EGR2: variants seen among roughly 807,000 people sequenced by gnomAD.
EGR2 encodes E3 SUMO-protein ligase EGR2.
A neutral mutation model predicts 21.2 loss-of-function variants in EGR2; 2 were observed. That is an observed-to-expected ratio of 0.09 (90% CI 0.04 to 0.30). The LOEUF (loss-of-function observed/expected upper bound fraction) is 0.30, where lower values mean the gene tolerates loss of function less well. Among genes scored for constraint, EGR2 ranks in the 10% least tolerant of loss-of-function variants. The probability of loss-of-function intolerance (pLI) is 1.00; values close to 1 mark genes in which losing one functional copy is unlikely to be tolerated. For missense variants in EGR2, 458 were observed against 630.2 expected (o/e 0.73, Z 2.93); for synonymous variants, 282 against 258.2 (o/e 1.09, Z -0.88).
rs1554853482 is a variant in EGR2, at chr10:62,816,021, G to A, written c.9C>T (p.Thr3=). The change falls in exon 1 of 2, where the codon ACC becomes ACT. Residue 3 remains threonine, a synonymous_variant. Transcript: ENST00000242480. ...CTGGGATTTTGTCTACGGCCTTGGC[G>A]GTCATCATTTGCTCCTCGCACAACC... The part of the protein sequence containing the change: MM[T]AKAVDKIPVT... 7.4e-6 allele frequency: 12 copies of A among 1,614,008 alleles called. No individual in the cohort carries two copies. The highest frequency in any genetic ancestry group is 1.0e-5 in the Non-Finnish European group (12 of 1,180,034).
chr10:62,813,544 G>C lies in EGR2; in HGVS notation c.1094C>G (p.Thr365Ser). 6.2e-7 allele frequency: 1 copy of C among 1,613,484 alleles called. No homozygotes were observed. Among genetic ancestry groups the C allele is most frequent in the Non-Finnish European group, 8.5e-7 (1 of 1,180,042 alleles). The change falls in exon 2 of 2, where the codon ACT becomes AGT. Residue 365 changes from threonine (T) to serine (S), a missense_variant. By Grantham distance (58) the Thr-to-Ser change is moderately conservative. This residue lies in a region of EGR2 where 39 missense variants were observed against 113.7 expected (regional missense o/e 0.34). Coordinates refer to ENST00000242480, the MANE Select transcript of EGR2 (RefSeq NM_000399.5). The surrounding 1 kb of genome is among the most constrained non-coding windows in gnomAD (Gnocchi z 5.7). Reference sequence around the variant, plus strand: ...CCGACACTGGAAGGGCTTATGCCCAGTGTGGATTCGGATGTGCCGTGTCAG... The same window carrying C: ...CCGACACTGGAAGGGCTTATGCCCACTGTGGATTCGGATGTGCCGTGTCAG... ...DELTRHIRIH[T>S]GHKPFQCRIC...
upstream of EGR2, chr10:62,818,421 G>T (rs1838306091): frequency 3.1e-6 from 1 of 321,004 alleles, no homozygotes; most frequent in Non-Finnish European, 4.8e-6. Flanking sequence ...GACATGGAAA[G>T]AAATCGCAGC....
chr10:62,814,216 G>T lies in EGR2; in HGVS notation c.422C>A (p.Pro141His). The T allele has an allele frequency of 6.2e-7, 1 of 1,614,174 alleles. No individual in the cohort carries two copies. Among genetic ancestry groups the T allele is most frequent in the South Asian group, 1.1e-5 (1 of 91,088 alleles). ...TASSSVTSAS[P>H]NPLATGPLGV... The stretch of plus-strand genomic sequence containing the variant: ...CAGGGGTCCTGTGGCCAGTGGGTTG[G>T]GGGAGGCAGAGGTGACGCTGGATGA... Residue 141 changes from proline (P) to histidine (H), a missense_variant, in exon 2 of 2, where the codon CCC becomes CAC. Pro to His is a moderately conservative substitution (Grantham distance 77). Around this residue, in one of 5 missense-constraint regions of EGR2, gnomAD observed 253 missense variants for 315.5 expected, o/e 0.80. Transcript: ENST00000242480. The surrounding 1 kb of genome is among the most constrained non-coding windows in gnomAD (Gnocchi z 4.8).
At chr10:62,816,456 G>A (rs1156316219), upstream of EGR2, 3 of 964,734 alleles carry the variant, frequency 3.1e-6, no homozygotes, top group Non-Finnish European at 3.8e-6. Flanking sequence ...ACAGGGCTGG[G>A]CCAGGCGGCT....
At position 62,814,783 on chromosome 10, in the gene EGR2, C is replaced by T. The variant is rs1425816619; in HGVS notation, c.170-315G>A. Among the ~76,000 whole-genome samples the T allele has an allele frequency of 1.3e-5, 2 of 152,222 alleles. No individual in the cohort carries two copies. The highest frequency in any genetic ancestry group is 2.9e-5 in the Non-Finnish European group (2 of 68,040). ...AAAAAACACCCAATAATAGCAACAA[C>T]AATATTTTAAAAAGCCTCATCCGCC... On this transcript the variant is annotated intron_variant, in intron 1 of 1. Coordinates refer to ENST00000242480, the MANE Select transcript of EGR2 (RefSeq NM_000399.5). This position sits in a 1 kb window ranked among gnomAD's most constrained non-coding sequence, Gnocchi z 4.8.
Position 62,816,150 on chromosome 10 carries a change from A to AACAACCACCACAC in EGR2, c.-134_-122dup. 6.3e-7 allele frequency: 1 copy of AACAACCACCACAC among 1,597,724 alleles called. No individual in the cohort carries two copies. Among genetic ancestry groups the AACAACCACCACAC allele is most frequent in the Non-Finnish European group, 8.5e-7 (1 of 1,171,564 alleles). On this transcript the variant is annotated 5_prime_UTR_variant, in exon 1 of 2. Transcript: ENST00000242480. ...TCTCCTTTTGCCCTCCACACTTAAA[A>AACAACCACCACAC]ACAACCACCACACACACCAAGAAAA...
In EGR2 at chr10:62,816,099, G is replaced by A. The variant is rs1842261587; in HGVS notation, c.-70C>T. On this transcript the variant is annotated 5_prime_UTR_variant, in exon 1 of 2. Transcript: ENST00000242480. ...AGTGTCAGAAAAGCCGTTTTGGAGAGGGGTTGGACTGAGCCTGGGATGGTA... is the reference window on the plus strand; with the variant it reads ...AGTGTCAGAAAAGCCGTTTTGGAGAAGGGTTGGACTGAGCCTGGGATGGTA... 8.7e-6 allele frequency: 14 copies of A among 1,613,184 alleles called. No individual in the cohort carries two copies. The South Asian group carries it at 1.4e-4, about 16-fold the overall frequency.
At position 62,814,448 on chromosome 10, in the gene EGR2, T is replaced by G; in HGVS notation, c.190A>C (p.Met64Leu). 6.2e-7 allele frequency: 1 copy of G among 1,614,048 alleles called. No individual in the cohort carries two copies. The highest frequency in any genetic ancestry group is 8.5e-7 in the Non-Finnish European group (1 of 1,179,994). The change falls in exon 2 of 2, where the codon ATG (methionine) becomes CTG (leucine). Residue 64 changes from methionine (M) to leucine (L), a missense_variant. Physicochemically the swap from Met to Leu is conservative, Grantham distance 15 (BLOSUM62 2). Around this residue, in one of 5 missense-constraint regions of EGR2, gnomAD observed 91 missense variants for 105.2 expected, o/e 0.87. Coordinates refer to ENST00000242480, the MANE Select transcript of EGR2 (RefSeq NM_000399.5). This position sits in a 1 kb window ranked among gnomAD's most constrained non-coding sequence, Gnocchi z 4.8. ...VAGDGMINID[M>L]TGEKRSLDLP... ...TCCAACGACCTCTTCTCTCCAGTCA[T>G]GTCAATGTTGATCATGCCATCTGGG...
chr10:62,815,287 T>G lies in EGR2; in HGVS notation c.169+574A>C, dbSNP rs376355302. ...GCGCCCTCCTCCACCACCCACTCGC[T>G]GCCTCCGCCGGCCGGAGCCCCCGCC... On this transcript the variant is annotated intron_variant, in intron 1 of 1. Coordinates refer to ENST00000242480, the MANE Select transcript of EGR2 (RefSeq NM_000399.5). Among the ~76,000 whole-genome samples, 1,321 of 152,308 alleles carry G rather than the reference T, an allele frequency of 8.7e-3. 14 individuals are homozygous for G. Among genetic ancestry groups the G allele is most frequent in the African/African-American group, 0.03 (1,256 of 41,558 alleles).
In EGR2 at chr10:62,814,563, G is replaced by T; in HGVS notation, c.170-95C>A. 1 of 1,222,356 alleles carries T rather than the reference G, an allele frequency of 8.2e-7. No individual in the cohort carries two copies. Among genetic ancestry groups the T allele is most frequent in the Non-Finnish European group, 1.2e-6 (1 of 835,858 alleles). 75.7% of individuals were successfully genotyped at this position (1,222,356 alleles called of 1,614,324 possible). ...CTCACATAGGTCCATTTCCAAGGCC[G>T]AGAGTCTCAGCACTGTAGAGCTGTG... On this transcript the variant is annotated intron_variant, in intron 1 of 1. Coordinates refer to ENST00000242480, the MANE Select transcript of EGR2 (RefSeq NM_000399.5). The surrounding 1 kb of genome is among the most constrained non-coding windows in gnomAD (Gnocchi z 4.8).
Position 62,814,285 on chromosome 10 carries a change from G to C in EGR2, c.353C>G (p.Ala118Gly). Residue 118 changes from alanine to glycine, a missense_variant, in exon 2 of 2, where the codon GCA (alanine) becomes GGA (glycine). Physicochemically the swap from Ala to Gly is moderately conservative, Grantham distance 60 (BLOSUM62 0). This residue lies in a region of EGR2 where 253 missense variants were observed against 315.5 expected (regional missense o/e 0.80). Transcript: ENST00000242480. The surrounding 1 kb of genome is among the most constrained non-coding windows in gnomAD (Gnocchi z 4.8). Reference sequence around the variant, plus strand: ...GGAAGTGACCCCTTGCAAGATGCCTGCACTCACAATATTGATTATGCCTTC... The same window carrying C: ...GGAAGTGACCCCTTGCAAGATGCCTCCACTCACAATATTGATTATGCCTTC... The part of the protein sequence containing the change: ...YPEGIINIVS[A>G]GILQGVTSPA... The C allele has an allele frequency of 6.2e-7, 1 of 1,614,156 alleles. No homozygotes were observed. The highest frequency in any genetic ancestry group is 8.5e-7 in the Non-Finnish European group (1 of 1,180,030).
chr10:62,814,561 C>T lies in EGR2; in HGVS notation c.170-93G>A, dbSNP rs1483183908. 6.4e-6 allele frequency: 8 copies of T among 1,246,596 alleles called. No individual in the cohort carries two copies. Among genetic ancestry groups the T allele is most frequent in the Non-Finnish European group, 9.3e-6 (8 of 856,882 alleles). 77.2% of individuals were successfully genotyped at this position (1,246,596 alleles called of 1,614,324 possible). A position where few individuals can be genotyped will look rare whatever the true frequency, so the allele number is the denominator to read the frequency against. The stretch of plus-strand genomic sequence containing the variant: ...CGCTCACATAGGTCCATTTCCAAGG[C>T]CGAGAGTCTCAGCACTGTAGAGCTG... On this transcript the variant is annotated intron_variant, in intron 1 of 1. Coordinates refer to ENST00000242480, the MANE Select transcript of EGR2 (RefSeq NM_000399.5). The surrounding 1 kb of genome is among the most constrained non-coding windows in gnomAD (Gnocchi z 4.8).
In EGR2 at chr10:62,814,895, C is replaced by G. The variant is rs939651969; in HGVS notation, c.170-427G>C. ...CACCCAAGAATCGACCTATCCCAGT[C>G]AGTGCCGTGATGGTGCCAAACCGAG... is the stretch of plus-strand genomic sequence containing the variant. On this transcript the variant is annotated intron_variant, in intron 1 of 1. Coordinates refer to ENST00000242480, the MANE Select transcript of EGR2 (RefSeq NM_000399.5). The surrounding 1 kb of genome is among the most constrained non-coding windows in gnomAD (Gnocchi z 4.8). 2.0e-5 allele frequency among the ~76,000 whole-genome samples: 3 copies of G among 152,196 alleles called. No homozygotes were observed. The highest frequency in any genetic ancestry group is 2.0e-4 in the Admixed American group (3 of 15,282).
Position 62,813,987 on chromosome 10 carries a change from T to C in EGR2, c.651A>G (p.Pro217=). ...SYPSPKPATD[P]GLFPMIPDYP... ...AGTCTGGGATCATTGGGAAGAGACC[T>C]GGGTCCGTGGCTGGCTTGGGGGATG... is the stretch of plus-strand genomic sequence containing the variant. Residue 217 remains proline (P), a synonymous_variant, in exon 2 of 2, where the codon CCA becomes CCG. Transcript: ENST00000242480. The surrounding 1 kb of genome is among the most constrained non-coding windows in gnomAD (Gnocchi z 5.7). 6.2e-7 allele frequency: 1 copy of C among 1,614,126 alleles called. No individual in the cohort carries two copies. Among genetic ancestry groups the C allele is most frequent in the South Asian group, 1.1e-5 (1 of 91,072 alleles).
chr10:62,818,823 G>A (rs984504991), upstream of EGR2, among the ~76,000 whole-genome samples: 1 of 152,162 alleles, frequency 6.6e-6, no homozygotes, highest in African/African-American at 2.4e-5. Context: ...CGGCAGGCGG[G>A]CGAGTTGCCC....
At chr10:62,816,372 G>C (rs1842271249), upstream of EGR2, 2 of 1,218,218 alleles carry the variant, frequency 1.6e-6, no homozygotes. Flanking sequence ...CAGTTAGACG[G>C]AAAGTGTTGC....
rs1051823632 is a variant in EGR2, at chr10:62,816,282, A to G, written c.-253T>C. On this transcript the variant is annotated 5_prime_UTR_variant, in exon 1 of 2. Transcript: ENST00000242480. The stretch of plus-strand genomic sequence containing the variant: ...TCCTGTCTGTGTTCCGGCTGCTGGG[A>G]AGCCAGGAGTTGCTGGTGTAGTGTT... 1.5e-5 allele frequency: 20 copies of G among 1,359,046 alleles called. No homozygotes were observed. In the Admixed American group the frequency reaches 5.7e-4, roughly 38 times the overall value. 84.2% of individuals were successfully genotyped at this position (1,359,046 alleles called of 1,614,324 possible). A position where few individuals can be genotyped will look rare whatever the true frequency, so the allele number is the denominator to read the frequency against.
Position 62,815,852 on chromosome 10 carries a change from G to T in EGR2, c.169+9C>A. 1 of 1,613,926 alleles carries T rather than the reference G, an allele frequency of 6.2e-7. No homozygotes were observed. The highest frequency in any genetic ancestry group is 2.2e-5 in the East Asian group (1 of 44,882). ...CGCAGGTCCGGGCCTGCGAAGACAC[G>T]CGGCTTACCTCCGGCCACTCCGTTC... On this transcript the variant is annotated intron_variant, in intron 1 of 1. Transcript: ENST00000242480.
Position 62,814,347 on chromosome 10 carries a change from G to A in EGR2, c.291C>T (p.Ser97=), listed in dbSNP as rs781162110. The A allele has an allele frequency of 6.2e-7, 1 of 1,614,162 alleles. No homozygotes were observed. Among genetic ancestry groups the A allele is most frequent in the South Asian group, 1.1e-5 (1 of 91,076 alleles). The change falls in exon 2 of 2, where the codon TCC becomes TCT. Residue 97 remains serine (S), a synonymous_variant. Transcript: ENST00000242480. The surrounding 1 kb of genome is among the most constrained non-coding windows in gnomAD (Gnocchi z 4.8). The part of the protein sequence containing the change: ...NQTFTYMGKF[S]IDPQYPGASC... ...TGGCACCAGGGTACTGAGGGTCAAT[G>A]GAGAACTTGCCCATGTAAGTGAAGG... is the stretch of plus-strand genomic sequence containing the variant.
Sources: allele counts gnomAD v4.1 joint callset (sites outside exome capture counted in the v4.1 genomes callset), GRCh38; gene constraint gnomAD v4.1.1; regional missense constraint gnomAD v4.1.1; non-coding constraint Gnocchi (gnomAD v3.1); transcripts MANE v1.5; gene names NCBI Gene and HGNC (gene_info 2026-07-23, HGNC 2026-07-21).